CHN1: variants seen among roughly 807,000 people sequenced by gnomAD.
CHN1 encodes N-chimaerin.
In CHN1, 37 loss-of-function variants were observed where a neutral mutation model predicts 59.5. That is an observed-to-expected ratio of 0.62 (90% confidence interval 0.48 to 0.82). The LOEUF (loss-of-function observed/expected upper bound fraction) is 0.82. Among genes scored for constraint, CHN1 ranks in the 40% least tolerant of loss-of-function variants. CHN1 has a pLI of 0.00. For missense variants in CHN1, 469 were observed against 571.0 expected, an observed-to-expected ratio of 0.82 and a Z score of 1.82; for synonymous variants, 206 against 200.4, an observed-to-expected ratio of 1.03 and a Z score of -0.24.
At chr2:174,941,667 C>T (rs1370675555) in intron 3 of CHN1, among the ~76,000 whole-genome samples, 2 of 152,104 alleles carry the variant, frequency 1.3e-5, no homozygotes, top group Non-Finnish European at 2.9e-5. Context: ...TCATCTACTC[C>T]TTATGATAAT....
chr2:174,905,804 C>A lies in CHN1; in HGVS notation c.260+9254G>T, dbSNP rs139036784. 5.4e-3 allele frequency among the ~76,000 whole-genome samples: 822 copies of A among 152,180 alleles called. 4 individuals are homozygous for A. Among genetic ancestry groups the A allele is most frequent in the African/African-American group, 0.019 (781 of 41,512 alleles). The stretch of plus-strand genomic sequence containing the variant: ...CGATCTCCTGACCTCGTGATCTACC[C>A]GCTTCGGCCTCCCAAAGTGCTGGGA... On this transcript the variant is annotated intron_variant, in intron 5 of 12. Transcript: ENST00000409900.
chr2:174,869,434 A>C (rs1166347016), intron 6 of CHN1, among the ~76,000 whole-genome samples: 1 of 152,190 alleles, frequency 6.6e-6, no homozygotes, highest in Non-Finnish European at 1.5e-5. Context: ...CAAATATAAG[A>C]AACTAAAAAT....
rs1333273931 is a variant in CHN1 at position 174,807,467 on chromosome 2, T to TGTGG, written c.1102+1437_1102+1438insCCAC. On this transcript the variant is annotated intron_variant, in intron 11 of 12. Coordinates refer to ENST00000409900, the MANE Select transcript of CHN1 (RefSeq NM_001822.7). ...CTATCTGTGTGTGTGTGTGTGTGTG[T>TGTGG]GTGTGTGTGTGTGTGTGTGTGTGTG... 7.3e-5 allele frequency among the ~76,000 whole-genome samples: 10 copies of TGTGG among 136,776 alleles called. No homozygotes were observed. In the South Asian group the frequency reaches 9.5e-4, roughly 13 times the overall value. The allele number at this position is 136,776 out of a possible 152,430, so 89.7% of individuals were successfully genotyped here.
rs961773381 is a variant in CHN1 at position 174,826,356 on chromosome 2, G to A, written c.628-1838C>T. The stretch of plus-strand genomic sequence containing the variant: ...TCGTGCTTTATTCTTATGGGAATGA[G>A]TGAAGTAGGCAGTGCTGATTCAGAA... On this transcript the variant is annotated intron_variant, in intron 7 of 12. Coordinates refer to ENST00000409900, the MANE Select transcript of CHN1 (RefSeq NM_001822.7). Among the ~76,000 whole-genome samples the A allele has an allele frequency of 2.0e-5, 3 of 152,310 alleles. No homozygotes were observed. The East Asian group carries it at 5.8e-4, about 29-fold the overall frequency.
chr2:174,866,325 C>CT (rs1382911680), intron 6 of CHN1, among the ~76,000 whole-genome samples: 19 of 152,052 alleles, frequency 1.2e-4, no homozygotes, highest in Non-Finnish European at 1.9e-4. Context: ...GTTTAAGTAC[C>CT]TTTTTCTAAA....
At chr2:174,882,176 A>T (rs1687757491) in intron 5 of CHN1, among the ~76,000 whole-genome samples, 1 of 152,212 alleles carries the variant, frequency 6.6e-6, no homozygotes. Flanking sequence ...CAAGATGAAA[A>T]TTCATTTTCT....
At chr2:174,849,258 TAGGTAA>T (rs1686648563) in intron 6 of CHN1, among the ~76,000 whole-genome samples, 1 of 152,272 alleles carries the variant, frequency 6.6e-6, no homozygotes, top group Admixed American at 6.5e-5. Flanking sequence ...AATTTATAGC[TAGGTAA>T]AAGTAAACAT....
At chr2:174,860,417 T>C (rs1033979344) in intron 6 of CHN1, among the ~76,000 whole-genome samples, 13 of 152,136 alleles carry the variant, frequency 8.5e-5, no homozygotes, top group African/African-American at 3.1e-4. Context: ...AAATAAATTT[T>C]TGGGTGCTAG....
chr2:174,895,887 G>A (rs1204803349), intron 5 of CHN1, among the ~76,000 whole-genome samples: 4 of 152,198 alleles, frequency 2.6e-5, no homozygotes, highest in Non-Finnish European at 5.9e-5. Flanking sequence ...GTTTCAGTGA[G>A]CAGAGGAGAG....
At chr2:174,989,032 T>C (rs1207019136) in intron 1 of CHN1, among the ~76,000 whole-genome samples, 2 of 152,204 alleles carry the variant, frequency 1.3e-5, no homozygotes, top group Admixed American at 6.5e-5. Flanking sequence ...AAAAGTCCTA[T>C]GAACTATGTA....
intron 6 of CHN1, among the ~76,000 whole-genome samples, chr2:174,865,652 A>G (rs186355383): frequency 4.6e-5 from 7 of 152,346 alleles, no homozygotes; most frequent in Admixed American, 1.3e-4. Flanking sequence ...AATGTATAGT[A>G]GGGAGCTAGA....
At chr2:174,807,450 G>C (rs1225707023) in intron 11 of CHN1, among the ~76,000 whole-genome samples, 3 of 32,792 alleles carry the variant, frequency 9.1e-5, no homozygotes, top group Non-Finnish European at 1.8e-4. Context: ...GGCTATCTGT[G>C]TGTGTGTGTG....
intron 11 of CHN1, among the ~76,000 whole-genome samples, chr2:174,806,259 CTTTTTCA>C (rs1050308539): frequency 1.8e-4 from 27 of 152,242 alleles, no homozygotes; most frequent in African/African-American, 4.1e-4. Context: ...CCTTGCTTTC[CTTTTTCA>C]TTTCTTGCAG....
intron 1 of CHN1, among the ~76,000 whole-genome samples, chr2:174,960,087 G>A (rs1264530878): frequency 6.6e-6 from 1 of 152,082 alleles, no homozygotes; most frequent in Non-Finnish European, 1.5e-5. Flanking sequence ...ACTTGGAGGC[G>A]GAGACTGTCT....
intron 3 of CHN1, among the ~76,000 whole-genome samples, chr2:174,941,677 T>G (rs1233798091): frequency 2.0e-5 from 3 of 152,194 alleles, no homozygotes; most frequent in Admixed American, 6.5e-5. Context: ...CTTATGATAA[T>G]TGTTTTACTG....
intron 6 of CHN1, among the ~76,000 whole-genome samples, chr2:174,854,513 C>T (rs1686838499): frequency 6.6e-6 from 1 of 152,126 alleles, no homozygotes; most frequent in African/African-American, 2.4e-5. Flanking sequence ...CTCATTTTCA[C>T]CAAGTGTGGT....
chr2:174,832,552 TTTC>T (rs1685915995), intron 7 of CHN1, among the ~76,000 whole-genome samples: 2 of 152,258 alleles, frequency 1.3e-5, no homozygotes, highest in Admixed American at 6.5e-5. Flanking sequence ...TATCTTGTGA[TTTC>T]TTCTTCAACC....
At chr2:174,904,141 T>C (rs1688470676) in intron 5 of CHN1, among the ~76,000 whole-genome samples, 1 of 151,778 alleles carries the variant, frequency 6.6e-6, no homozygotes. Flanking sequence ...TGCATGCCTG[T>C]AGTCCCAGCT....
At chr2:174,807,444 A>ATG (rs1248242019) in intron 11 of CHN1, among the ~76,000 whole-genome samples, 23 of 90,284 alleles carry the variant, frequency 2.5e-4, no homozygotes, top group African/African-American at 7.3e-4. Context: ...TTCACGGGCT[A>ATG]TCTGTGTGTG....
Sources: allele counts gnomAD v4.1 joint callset (sites outside exome capture counted in the v4.1 genomes callset), GRCh38; gene constraint gnomAD v4.1.1; transcripts MANE v1.5; gene names NCBI Gene and HGNC (gene_info 2026-07-23, HGNC 2026-07-21).